TRAPPC11: variants seen among roughly 807,000 people sequenced by gnomAD.
TRAPPC11 encodes the protein trafficking protein particle complex subunit 11.
Under a neutral mutation model 151.2 loss-of-function variants are expected in TRAPPC11, and 104 were observed. That is an observed-to-expected ratio of 0.69 (90% confidence interval 0.59 to 0.81). The LOEUF is 0.81. Among genes scored for constraint, TRAPPC11 ranks in the 30% least tolerant of loss-of-function variants. The probability of loss-of-function intolerance (pLI) is 0.00; values close to 1 mark genes in which losing one functional copy is unlikely to be tolerated. For synonymous variants in TRAPPC11, 456 were observed against 472.3 expected (o/e 0.97, Z 0.45); for missense variants, 1,230 against 1,349.6 (o/e 0.91, Z 1.39).
At chr4:183,668,350 T>C (rs1042624402) in intron 5 of TRAPPC11, among the ~76,000 whole-genome samples, 1 of 152,214 alleles carries the variant, frequency 6.6e-6, no homozygotes, top group East Asian at 1.9e-4. Flanking sequence ...AAAGTCTTTT[T>C]GTATAAGAAC....
chr4:183,674,113 C>T (rs1201014415), intron 5 of TRAPPC11, among the ~76,000 whole-genome samples: 1 of 151,816 alleles, frequency 6.6e-6, no homozygotes, highest in Non-Finnish European at 1.5e-5. Flanking sequence ...TTAGAGATTC[C>T]AATCAAATTT....
chr4:183,710,304 T>C (rs113764576), intron 29 of TRAPPC11, among the ~76,000 whole-genome samples: 41,859 of 144,540 alleles, frequency 0.29, 6,404 homozygotes, highest in African/African-American at 0.43. Flanking sequence ...TTTTTTTTTT[T>C]GAGACAGCGT....
Position 183,672,960 on chromosome 4 carries a change from A to ATTTTTT in TRAPPC11, c.561-1738_561-1733dup, listed in dbSNP as rs35637688. Among the ~76,000 whole-genome samples the ATTTTTT allele has an allele frequency of 6.3e-3, 823 of 130,978 alleles. 9 individuals are homozygous for ATTTTTT. Among genetic ancestry groups the ATTTTTT allele is most frequent in the African/African-American group, 0.023 (790 of 34,312 alleles). The allele number at this position is 130,978 out of a possible 152,430, so 85.9% of individuals were successfully genotyped here. On this transcript the variant is annotated intron_variant, in intron 5 of 29. Coordinates refer to ENST00000334690, the MANE Select transcript of TRAPPC11 (RefSeq NM_021942.6). ...GTGCCTTGTTGCTACCCGTTCGCAA[A>ATTTTTT]TTTTTTTTTTTTTTTTTTTTGAGAT...
chr4:183,680,340 G>T, intron 10 of TRAPPC11, 73 bp downstream of exon 10: 3 of 1,429,262 alleles, frequency 2.1e-6, no homozygotes, highest in South Asian at 1.7e-5. Context: ...AGAACTGATT[G>T]GTGTTGATAA....
At chr4:183,667,271 G>A (rs1309596371) in intron 4 of TRAPPC11, 141 bp downstream of exon 4, 1 of 601,730 alleles carries the variant, frequency 1.7e-6, no homozygotes, top group African/African-American at 1.9e-5. Flanking sequence ...AAGCACCAAT[G>A]ATACATGAAC....
Position 183,708,406 on chromosome 4 carries a change from G to C in TRAPPC11, c.3190-1G>C. Reference sequence around the variant, plus strand: ...TTTCTCTGTGACTTTTTATGATGCAGATTCGATTACGTATCCTCCCTGGCA... The same window carrying C: ...TTTCTCTGTGACTTTTTATGATGCACATTCGATTACGTATCCTCCCTGGCA... On this transcript the variant is annotated splice_acceptor_variant, in intron 28 of 29. Coordinates refer to ENST00000334690, the MANE Select transcript of TRAPPC11 (RefSeq NM_021942.6). LOFTEE classifies it high-confidence loss of function. 4.3e-6 allele frequency: 7 copies of C among 1,611,532 alleles called. No homozygotes were observed. The highest frequency in any genetic ancestry group is 5.9e-6 in the Non-Finnish European group (7 of 1,178,842).
intron 29 of TRAPPC11, 38 bp downstream of exon 29, chr4:183,708,612 T>C: frequency 1.3e-6 from 2 of 1,582,978 alleles, no homozygotes; most frequent in Non-Finnish European, 1.7e-6. Context: ...AAATTCAAAG[T>C]CTTAAAAACA....
intron 19 of TRAPPC11, among the ~76,000 whole-genome samples, chr4:183,691,923 A>G (rs1272478271): frequency 6.6e-6 from 1 of 152,200 alleles, no homozygotes; most frequent in Admixed American, 6.5e-5. Context: ...AAATGAACAT[A>G]TATATTTGTA....
chr4:183,693,020 C>T lies in TRAPPC11; in HGVS notation c.2110C>T (p.Gln704Ter), dbSNP rs1197120745. Residue 704 changes from glutamine to a stop codon, truncating the protein, a stop_gained, in exon 20 of 30, where the codon CAG becomes TAG. Transcript: ENST00000334690. LOFTEE classifies it high-confidence loss of function. ...ETGRCVVLNW[Q>*]GGGGDAASSQ... is the part of the protein sequence containing the mutation. ...GGGAAGATGTGTGGTTTTAAATTGGCAGGGAGGAGGAGGAGATGCTGCTTC... is the reference window on the plus strand; with the variant it reads ...GGGAAGATGTGTGGTTTTAAATTGGTAGGGAGGAGGAGGAGATGCTGCTTC... 2 of 1,613,438 alleles carry T rather than the reference C, an allele frequency of 1.2e-6. No homozygotes were observed. The highest frequency in any genetic ancestry group is 1.7e-6 in the Non-Finnish European group (2 of 1,179,678).
At chr4:183,708,317 A>G in intron 28 of TRAPPC11, 90 bp from the exon 29 acceptor site, 1 of 1,362,772 alleles carries the variant, frequency 7.3e-7, no homozygotes, top group Non-Finnish European at 1.0e-6. Context: ...TTGGTTATCC[A>G]ATCTTTTGTA....
At chr4:183,697,631 A>G in intron 24 of TRAPPC11, 48 bp from the exon 25 acceptor site, 20 of 1,608,448 alleles carry the variant, frequency 1.2e-5, no homozygotes, top group Non-Finnish European at 1.7e-5. Flanking sequence ...AAATGATAAA[A>G]TGGATTAAGG....
rs1406530736 is a variant in TRAPPC11, at chr4:183,664,754, T to C, written c.204+683T>C. ...TGTAGTGATTTGTTATTTATCATAA[T>C]CTTATGAGGTTGGTTTGAAAGTTAG... On this transcript the variant is annotated intron_variant, in intron 2 of 29. Transcript: ENST00000334690. 2.0e-5 allele frequency among the ~76,000 whole-genome samples: 3 copies of C among 152,318 alleles called. 1 individual carries two copies. The highest frequency in any genetic ancestry group is 6.8e-3 in the Middle Eastern group (2 of 294).
intron 7 of TRAPPC11, among the ~76,000 whole-genome samples, chr4:183,676,662 G>T (rs1273848867): frequency 2.0e-5 from 3 of 152,176 alleles, no homozygotes; most frequent in African/African-American, 7.2e-5. Flanking sequence ...CTCCTTCAGC[G>T]TGAGCTGCCC....
intron 27 of TRAPPC11, among the ~76,000 whole-genome samples, chr4:183,706,509 C>T (rs1381026960): frequency 6.8e-6 from 1 of 147,492 alleles, no homozygotes; most frequent in Non-Finnish European, 1.5e-5. Flanking sequence ...GGTGAAAGAG[C>T]GAGACTCCGC....
intron 4 of TRAPPC11, among the ~76,000 whole-genome samples, chr4:183,667,346 TGTTCCAC>T (rs1176996764): frequency 6.6e-6 from 1 of 152,230 alleles, no homozygotes; most frequent in Non-Finnish European, 1.5e-5. Context: ...CTAGTTCCCC[TGTTCCAC>T]TTGTCTTCTT....
Position 183,677,502 on chromosome 4 carries a change from A to T in TRAPPC11, c.779A>T (p.His260Leu). 4 of 1,609,450 alleles carry T rather than the reference A, an allele frequency of 2.5e-6. No individual in the cohort carries two copies. The highest frequency in any genetic ancestry group is 3.3e-4 in the Middle Eastern group (2 of 6,042). ...AATCTTGTACACGAATTGAGAGCCC[A>T]TGAAACTAATATTCTGGAAATTAAG... ...AYNLVHELRA[H>L]ETNILEIKTM... The change falls in exon 8 of 30, where the codon CAT (histidine) becomes CTT (leucine). Residue 260 changes from histidine (H) to leucine (L), a missense_variant. Physicochemically the swap from His to Leu is moderately conservative, Grantham distance 99. Transcript: ENST00000334690.
intron 2 of TRAPPC11, among the ~76,000 whole-genome samples, chr4:183,665,993 A>G (rs970012200): frequency 6.9e-6 from 1 of 144,406 alleles, no homozygotes; most frequent in Non-Finnish European, 1.5e-5. Flanking sequence ...GACATGCATC[A>G]TCGTTTTATG....
intron 2 of TRAPPC11, among the ~76,000 whole-genome samples, chr4:183,665,176 G>C (rs1397897562): frequency 1.5e-5 from 2 of 136,788 alleles, no homozygotes; most frequent in Admixed American, 8.4e-5. Context: ...CTCACTGCAA[G>C]CTCCGCCTCC....
At chr4:183,669,961 A>G (rs1057343293) in intron 5 of TRAPPC11, among the ~76,000 whole-genome samples, 2 of 152,258 alleles carry the variant, frequency 1.3e-5, no homozygotes, top group African/African-American at 4.8e-5. Flanking sequence ...TGTAAAAACA[A>G]GTGCCCTGGG....
Sources: allele counts gnomAD v4.1 joint callset (sites outside exome capture counted in the v4.1 genomes callset), GRCh38; gene constraint gnomAD v4.1.1; transcripts MANE v1.5; gene names NCBI Gene and HGNC (gene_info 2026-07-23, HGNC 2026-07-21).